ZNF521: variants seen among roughly 807,000 people sequenced by gnomAD.
ZNF521 encodes the protein LYST-interacting protein 3.
ZNF521 carries 14 observed loss-of-function variants against 105.5 expected under a neutral mutation model. The ratio of observed to expected loss-of-function variants is 0.13; its 90% CI spans 0.09 to 0.21. The LOEUF (loss-of-function observed/expected upper bound fraction) is 0.21, where lower values mean the gene tolerates loss of function less well. Ranked by LOEUF, ZNF521 falls within the 10% of genes least tolerant of loss-of-function variation. ZNF521 has a pLI of 1.00. For missense variants in ZNF521, 1,233 were observed against 1,629.7 expected (o/e 0.76, Z 4.19); for synonymous variants, 635 against 606.0 (o/e 1.05, Z -0.70).
intron 3 of ZNF521, among the ~76,000 whole-genome samples, chr18:25,241,615 C>T (rs2086124874): frequency 6.6e-6 from 1 of 152,072 alleles, no homozygotes. Flanking sequence ...AACCATAAAA[C>T]TCTTCTAATT....
chr18:25,160,313 T>A (rs915525017), intron 5 of ZNF521, among the ~76,000 whole-genome samples: 1 of 152,226 alleles, frequency 6.6e-6, no homozygotes, highest in African/African-American at 2.4e-5. Flanking sequence ...TTGACCTAGA[T>A]ATGTTCCCTG....
chr18:25,109,836 A>G (rs2034149372), intron 5 of ZNF521, among the ~76,000 whole-genome samples: 1 of 152,070 alleles, frequency 6.6e-6, no homozygotes, highest in Non-Finnish European at 1.5e-5. Flanking sequence ...ATCATTGTGG[A>G]ATCTGGATAT....
chr18:25,182,997 T>G (rs1014675396), intron 5 of ZNF521, among the ~76,000 whole-genome samples: 3 of 152,298 alleles, frequency 2.0e-5, no homozygotes, highest in South Asian at 4.1e-4. Context: ...ATACCAATTT[T>G]CACTCCAGAT....
intron 5 of ZNF521, among the ~76,000 whole-genome samples, chr18:25,152,189 A>G (rs898368715): frequency 1.3e-5 from 2 of 152,154 alleles, no homozygotes; most frequent in Admixed American, 1.3e-4. Flanking sequence ...TTAGAAAACT[A>G]TCCTCTAGGC....
chr18:25,250,667 G>GA (rs1349720621), intron 3 of ZNF521, among the ~76,000 whole-genome samples: 4 of 152,112 alleles, frequency 2.6e-5, no homozygotes, highest in Admixed American at 2.6e-4. Context: ...ATTCCCTTTT[G>GA]AAAAATGCCC....
At chr18:25,191,997 G>A (rs1237787697) in intron 5 of ZNF521, among the ~76,000 whole-genome samples, 2 of 152,126 alleles carry the variant, frequency 1.3e-5, no homozygotes, top group Admixed American at 1.3e-4. Flanking sequence ...CATAAACTAT[G>A]TGAAATGAGC....
Position 25,198,734 on chromosome 18 carries a change from C to A in ZNF521, c.3574-3490G>T, listed in dbSNP as rs1600145163. On this transcript the variant is annotated intron_variant, in intron 4 of 7. Coordinates refer to ENST00000361524, the MANE Select transcript of ZNF521 (RefSeq NM_015461.3). Reference sequence around the variant, plus strand: ...TTTTAAGGAGGAAGTGTAGGTCGTGCCTATTTGATGAGTGAAAGCTTTTCT... The same window carrying A: ...TTTTAAGGAGGAAGTGTAGGTCGTGACTATTTGATGAGTGAAAGCTTTTCT... Among the ~76,000 whole-genome samples, 6 of 151,216 alleles carry A rather than the reference C, an allele frequency of 4.0e-5. 1 individual carries two copies. The South Asian group carries it at 1.3e-3, about 32-fold the overall frequency.
chr18:25,170,342 G>A (rs1463710784), intron 5 of ZNF521, among the ~76,000 whole-genome samples: 2 of 152,000 alleles, frequency 1.3e-5, no homozygotes, highest in Non-Finnish European at 2.9e-5. Context: ...TCTGATTGGT[G>A]GAAAATCAAT....
At chr18:25,123,950 T>G (rs1485531268) in intron 5 of ZNF521, among the ~76,000 whole-genome samples, 9 of 152,134 alleles carry the variant, frequency 5.9e-5, no homozygotes, top group Admixed American at 5.9e-4. Context: ...CTCGACTGAT[T>G]GTTATTTCCA....
At chr18:25,349,679 A>G (rs1914626616) in intron 2 of ZNF521, among the ~76,000 whole-genome samples, 1 of 151,366 alleles carries the variant, frequency 6.6e-6, no homozygotes, top group African/African-American at 2.4e-5. Context: ...TGGTGCGGGA[A>G]CCGGGGCCAC....
chr18:25,108,554 G>A (rs930119026), intron 5 of ZNF521, among the ~76,000 whole-genome samples: 3 of 151,956 alleles, frequency 2.0e-5, no homozygotes, highest in African/African-American at 7.3e-5. Context: ...GTTTCCCATA[G>A]CTGCAAACTA....
intron 4 of ZNF521, among the ~76,000 whole-genome samples, chr18:25,207,507 C>A (rs373455720): frequency 6.6e-6 from 1 of 152,134 alleles, no homozygotes; most frequent in South Asian, 2.1e-4. Flanking sequence ...ACACTTTCAG[C>A]GCATAGAATG....
At chr18:25,308,648 A>ACCCCCCCCCCCCC (rs764455271) in intron 3 of ZNF521, among the ~76,000 whole-genome samples, 1 of 116,300 alleles carries the variant, frequency 8.6e-6, no homozygotes, top group African/African-American at 3.1e-5. Flanking sequence ...CCTTAATGAC[A>ACCCCCCCCCCCCC]TCCCCCCCCC....
chr18:25,091,583 T>C (rs931367304), intron 6 of ZNF521, among the ~76,000 whole-genome samples: 1 of 152,120 alleles, frequency 6.6e-6, no homozygotes, highest in Non-Finnish European at 1.5e-5. Context: ...GGCTGCACTT[T>C]TAGTTGAACA....
At chr18:25,087,389 G>A (rs555567650) in intron 7 of ZNF521, among the ~76,000 whole-genome samples, 2 of 152,198 alleles carry the variant, frequency 1.3e-5, no homozygotes, top group South Asian at 4.1e-4. Flanking sequence ...CGCTGCCACA[G>A]TGCTGAGTTC....
intron 3 of ZNF521, among the ~76,000 whole-genome samples, chr18:25,305,456 C>T (rs1386278934): frequency 3.9e-5 from 6 of 152,102 alleles, no homozygotes; most frequent in African/African-American, 7.2e-5. Context: ...AAACTGATGA[C>T]AGGGCCTTAA....
At chr18:25,097,996 C>T (rs374673070) in intron 5 of ZNF521, among the ~76,000 whole-genome samples, 16 of 152,064 alleles carry the variant, frequency 1.1e-4, no homozygotes, top group African/African-American at 3.6e-4. Flanking sequence ...CCTAGAGCCC[C>T]ATAAACATCA....
At chr18:25,130,700 T>C (rs2034624400) in intron 5 of ZNF521, among the ~76,000 whole-genome samples, 1 of 152,134 alleles carries the variant, frequency 6.6e-6, no homozygotes, top group Non-Finnish European at 1.5e-5. Flanking sequence ...CCCAGCACTT[T>C]GGGAAGCTGA....
At chr18:25,086,240 T>C (rs2033620498) in intron 7 of ZNF521, among the ~76,000 whole-genome samples, 1 of 152,070 alleles carries the variant, frequency 6.6e-6, no homozygotes, top group Non-Finnish European at 1.5e-5. Context: ...TCACTTGTCC[T>C]AGGAAAATAA....
Sources: allele counts gnomAD v4.1 joint callset (sites outside exome capture counted in the v4.1 genomes callset), GRCh38; gene constraint gnomAD v4.1.1; transcripts MANE v1.5; gene names NCBI Gene and HGNC (gene_info 2026-07-23, HGNC 2026-07-21).